HERC3: variants seen among roughly 807,000 people sequenced by gnomAD.
HERC3 encodes probable E3 ubiquitin-protein ligase HERC3.
Under a neutral mutation model 129.9 loss-of-function variants are expected in HERC3, and 58 were observed. The ratio of observed to expected loss-of-function variants is 0.45; its 90% CI spans 0.36 to 0.56. The LOEUF (loss-of-function observed/expected upper bound fraction) is 0.56. Ranked by LOEUF, HERC3 falls within the 20% of genes least tolerant of loss-of-function variation. HERC3 has a pLI of 0.00. For synonymous variants in HERC3, 430 were observed against 451.0 expected (o/e 0.95, Z 0.59); for missense variants, 835 against 1,244.2 (o/e 0.67, Z 4.95).
chr4:88,665,005 C>G (rs995698704), intron 12 of HERC3, among the ~76,000 whole-genome samples: 2 of 152,196 alleles, frequency 1.3e-5, no homozygotes, highest in Non-Finnish European at 2.9e-5. Context: ...AATTATTTCT[C>G]AGTCCTTTCT....
chr4:88,635,129 C>T (rs529990207), intron 3 of HERC3, among the ~76,000 whole-genome samples: 20 of 152,034 alleles, frequency 1.3e-4, no homozygotes, highest in African/African-American at 3.9e-4. Context: ...CCAGCAAGGG[C>T]GCAGAACTGT....
rs547784358 is a variant in HERC3, at chr4:88,686,802, G to T, written c.2574G>T (p.Thr858=). The change falls in exon 22 of 26, where the codon ACG becomes ACT. Residue 858 remains threonine (T), a splice_region_variant and synonymous_variant. Coordinates refer to ENST00000402738, the MANE Select transcript of HERC3 (RefSeq NM_014606.3). ...DVEETFCLNF[T]ICRESYGVIE... is the part of the protein sequence containing the mutation. ...AGGAGACTTTCTGCCTCAACTTCAC[G>T]GTAAGAATTTCCACAGTTTACTTAG... 6.2e-7 allele frequency: 1 copy of T among 1,606,428 alleles called. No homozygotes were observed. Among genetic ancestry groups the T allele is most frequent in the Admixed American group, 1.7e-5 (1 of 59,956 alleles).
chr4:88,543,622 G>A, the HERC3 span, among the ~76,000 whole-genome samples: 1 of 152,138 alleles, frequency 6.6e-6, no homozygotes, highest in Admixed American at 6.6e-5. Flanking sequence ...AGCCTGCATT[G>A]CCAAGTCAAT....
chr4:88,637,100 G>T (rs781204568), intron 3 of HERC3, among the ~76,000 whole-genome samples: 3 of 152,012 alleles, frequency 2.0e-5, no homozygotes, highest in Non-Finnish European at 4.4e-5. Flanking sequence ...CTGCACTCCA[G>T]CCTGGGTGGC....
chr4:88,702,092 C>T (rs989285502), intron 23 of HERC3, among the ~76,000 whole-genome samples: 2 of 152,142 alleles, frequency 1.3e-5, no homozygotes, highest in African/African-American at 4.8e-5. Context: ...CTGCACCTGG[C>T]TAGACAAAGA....
intron 2 of HERC3, among the ~76,000 whole-genome samples, chr4:88,602,630 A>G (rs1172394892): frequency 1.3e-5 from 2 of 151,894 alleles, no homozygotes; most frequent in South Asian, 2.1e-4. Flanking sequence ...GGTGTGTCCT[A>G]CCACACTTGG....
At chr4:88,697,781 G>A in intron 23 of HERC3, 1 of 1,567,310 alleles carries the variant, frequency 6.4e-7, no homozygotes, top group Non-Finnish European at 8.6e-7. Context: ...CAGAGGTCTA[G>A]GAGGGCTCCC....
chr4:88,652,755 C>T (rs1729428427), intron 5 of HERC3, 114 bp from the exon 6 acceptor site: 5 of 1,069,806 alleles, frequency 4.7e-6, no homozygotes, highest in Non-Finnish European at 6.7e-6. Flanking sequence ...TTCCTTTGCT[C>T]TTGGGTGGGT....
At chr4:88,631,118 T>C (rs1268887368) in intron 3 of HERC3, among the ~76,000 whole-genome samples, 1 of 152,228 alleles carries the variant, frequency 6.6e-6, no homozygotes, top group East Asian at 1.9e-4. Flanking sequence ...GTTTTGTGTG[T>C]ATACATTAAG....
rs559858246 is a variant in HERC3 at position 88,664,331 on chromosome 4, C to T, written c.1331+119C>T. On this transcript the variant is annotated intron_variant, in intron 12 of 25. Transcript: ENST00000402738. ...GTTTGGGGCTTTAGGATGCTGTGATCATGCCTGTGAATAGCCACTGAATTC... is the reference window on the plus strand; with the variant it reads ...GTTTGGGGCTTTAGGATGCTGTGATTATGCCTGTGAATAGCCACTGAATTC... The T allele has an allele frequency of 5.2e-6, 4 of 763,228 alleles. No homozygotes were observed. In the African/African-American group the frequency reaches 7.1e-5, roughly 13 times the overall value. 47.3% of individuals were successfully genotyped at this position (763,228 alleles called of 1,614,324 possible).
At chr4:88,670,676 T>A (rs1731514768) in intron 16 of HERC3, among the ~76,000 whole-genome samples, 1 of 152,138 alleles carries the variant, frequency 6.6e-6, no homozygotes, top group South Asian at 2.1e-4. Flanking sequence ...AAGTGTACAC[T>A]TAAAAATGCT....
chr4:88,702,419 C>T lies in HERC3; in HGVS notation c.2658-1679C>T, dbSNP rs142793606. Reference sequence around the variant, plus strand: ...CAAGCTCTGAGTGACAGAGCTACTACCTTTTATAAGTAGCATTGTTTTAAG... The same window carrying T: ...CAAGCTCTGAGTGACAGAGCTACTATCTTTTATAAGTAGCATTGTTTTAAG... On this transcript the variant is annotated intron_variant, in intron 23 of 25. Coordinates refer to ENST00000402738, the MANE Select transcript of HERC3 (RefSeq NM_014606.3). Among the ~76,000 whole-genome samples the T allele has an allele frequency of 1.6e-4, 25 of 152,306 alleles. No homozygotes were observed. The East Asian group carries it at 4.2e-3, about 26-fold the overall frequency.
intron 2 of HERC3, among the ~76,000 whole-genome samples, chr4:88,596,878 CT>C (rs780687481): frequency 2.0e-5 from 3 of 152,140 alleles, no homozygotes; most frequent in Non-Finnish European, 4.4e-5. Context: ...ACTGATGATT[CT>C]TAATCTCCAA....
chr4:88,606,237 A>ACTTTT (rs1302740983), intron 3 of HERC3, among the ~76,000 whole-genome samples, 188 bp downstream of exon 3: 2 of 147,974 alleles, frequency 1.4e-5, no homozygotes, highest in Non-Finnish European at 3.0e-5. Flanking sequence ...GGAAAAGCAG[A>ACTTTT]CTTTTCTTTT....
chr4:88,689,107 T>A (rs1420383209), intron 23 of HERC3, among the ~76,000 whole-genome samples: 1 of 152,238 alleles, frequency 6.6e-6, no homozygotes, highest in Non-Finnish European at 1.5e-5. Context: ...GGACTTTTAT[T>A]GGCTTCTTCC....
At chr4:88,612,635 T>C (rs1044374937) in intron 3 of HERC3, among the ~76,000 whole-genome samples, 13 of 152,196 alleles carry the variant, frequency 8.5e-5, no homozygotes, top group African/African-American at 2.7e-4. Context: ...TTCAGACATA[T>C]ACCTCATCCC....
chr4:88,649,890 G>A lies in HERC3; in HGVS notation c.277G>A (p.Glu93Lys), dbSNP rs1729092620. The change falls in exon 4 of 26, where the codon GAG becomes AAG. Residue 93 changes from glutamate to lysine, a missense_variant. Transcript: ENST00000402738. ...DQHIIHVACG[E>K]SHSLALSDRG... is the part of the protein sequence containing the mutation. ...GCATATCATTCATGTGGCATGTGGC[G>A]AGTCCCACAGTCTGGCCCTCAGTGA... The A allele has an allele frequency of 1.2e-6, 2 of 1,613,892 alleles. No homozygotes were observed. Among genetic ancestry groups the A allele is most frequent in the South Asian group, 1.1e-5 (1 of 91,084 alleles).
intron 3 of HERC3, among the ~76,000 whole-genome samples, chr4:88,641,278 G>A (rs565735796): frequency 6.6e-6 from 1 of 152,206 alleles, no homozygotes; most frequent in Non-Finnish European, 1.5e-5. Context: ...TGAAAATATG[G>A]TTTATCAAAA....
upstream of HERC3, among the ~76,000 whole-genome samples, chr4:88,588,859 A>G (rs1467248674): frequency 6.6e-6 from 1 of 152,260 alleles, no homozygotes; most frequent in Non-Finnish European, 1.5e-5. Flanking sequence ...CCTGGGCACC[A>G]TCCCCTTGCC....
Sources: gnomAD v4.1 joint callset for allele counts (sites outside exome capture counted in the v4.1 genomes callset) on GRCh38, gnomAD v4.1.1 for gene constraint, MANE v1.5 for transcripts, NCBI Gene and HGNC (gene_info 2026-07-23, HGNC 2026-07-21) for gene names.